The following DENND1A variants were observed in gnomAD, a reference collection of about 807,000 sequenced individuals.
The protein encoded by DENND1A is DENN domain-containing protein 1A.
In DENND1A, 51 loss-of-function variants were observed where a neutral mutation model predicts 113.7. The observed-to-expected ratio is 0.45, with a 90% CI of 0.36 to 0.57. The LOEUF is 0.57. Ranked by LOEUF, DENND1A falls within the 20% of genes least tolerant of loss-of-function variation. The probability of loss-of-function intolerance (pLI) is 0.00; values close to 1 mark genes in which losing one functional copy is unlikely to be tolerated. For synonymous variants in DENND1A, 565 were observed against 570.8 expected (o/e 0.99, Z 0.14); for missense variants, 1,258 against 1,395.9 (o/e 0.90, Z 1.57).
At chr9:123,465,447 A>G (rs1426081584) in intron 13 of DENND1A, among the ~76,000 whole-genome samples, 1 of 151,638 alleles carries the variant, frequency 6.6e-6, no homozygotes, top group Non-Finnish European at 1.5e-5. Flanking sequence ...TTGAACCTTG[A>G]CCCTGACTGT....
chr9:123,768,174 T>C (rs1829138275), intron 4 of DENND1A, among the ~76,000 whole-genome samples: 2 of 152,180 alleles, frequency 1.3e-5, no homozygotes, highest in Non-Finnish European at 2.9e-5. Flanking sequence ...ACTGAAATAT[T>C]CCTGGTACCA....
chr9:123,389,631 AC>A (rs1163319478), intron 21 of DENND1A, among the ~76,000 whole-genome samples: 1 of 152,126 alleles, frequency 6.6e-6, no homozygotes, highest in African/African-American at 2.4e-5. Flanking sequence ...TCCTGCTAAA[AC>A]CTATAAATCT....
chr9:123,796,607 C>T (rs955978392), intron 2 of DENND1A, among the ~76,000 whole-genome samples: 1 of 152,048 alleles, frequency 6.6e-6, no homozygotes, highest in Non-Finnish European at 1.5e-5. Context: ...TTTACACAGG[C>T]TCCAAAAACC....
chr9:123,533,301 T>C (rs1004949611), intron 13 of DENND1A, among the ~76,000 whole-genome samples: 1 of 152,244 alleles, frequency 6.6e-6, no homozygotes, highest in Admixed American at 6.5e-5. Flanking sequence ...GGTGGGCTTC[T>C]TTCTCCCACC....
chr9:123,914,829 G>A (rs7021183), intron 1 of DENND1A, among the ~76,000 whole-genome samples: 5,820 of 152,048 alleles, frequency 0.038, 144 homozygotes, highest in Middle Eastern at 0.048. Flanking sequence ...AGCCATTCAT[G>A]AGGGCCCACC....
chr9:123,907,348 G>A (rs1280916444), intron 1 of DENND1A, among the ~76,000 whole-genome samples: 3 of 151,558 alleles, frequency 2.0e-5, no homozygotes, highest in Non-Finnish European at 4.4e-5. Flanking sequence ...AGTGTTGGAA[G>A]TTCTGGCCAG....
chr9:123,843,158 G>T, intron 2 of DENND1A: 1 of 553,460 alleles, frequency 1.8e-6, no homozygotes, highest in South Asian at 1.4e-5. Context: ...AAACACACTT[G>T]ACATGGTTGT....
intron 12 of DENND1A, among the ~76,000 whole-genome samples, chr9:123,575,097 T>C (rs2058563767): frequency 6.6e-6 from 1 of 152,170 alleles, no homozygotes. Flanking sequence ...CCCACGACCT[T>C]TTTGGCACCA....
intron 13 of DENND1A, among the ~76,000 whole-genome samples, chr9:123,534,691 C>T (rs552980317): frequency 6.6e-6 from 1 of 152,326 alleles, no homozygotes; most frequent in Non-Finnish European, 1.5e-5. Flanking sequence ...CAAAACAAAA[C>T]ACTGTCTTGG....
At position 123,896,310 on chromosome 9, in the gene DENND1A, A is replaced by AAAAC. The variant is rs1357499796; in HGVS notation, c.18-17293_18-17290dup. ...CTAGGCAACAGAGTGAGACTCTCTGAAAACAAACAAACAAACAAACAAAAA... is the reference window on the plus strand; with the variant it reads ...CTAGGCAACAGAGTGAGACTCTCTGAAAACAAACAAACAAACAAACAAACAAAAA... On this transcript the variant is annotated intron_variant, in intron 1 of 23. Coordinates refer to ENST00000394215, the MANE Select transcript of DENND1A (RefSeq NM_001352964.2). Among the ~76,000 whole-genome samples, 24 of 151,894 alleles carry AAAAC rather than the reference A, an allele frequency of 1.6e-4. No individual in the cohort carries two copies. In the East Asian group the frequency reaches 3.7e-3, roughly 23 times the overall value.
intron 1 of DENND1A, among the ~76,000 whole-genome samples, chr9:123,917,057 A>T (rs1855284403): frequency 6.6e-6 from 1 of 151,886 alleles, no homozygotes; most frequent in Non-Finnish European, 1.5e-5. Flanking sequence ...GGTGGCAGTT[A>T]CCCGTAGTCC....
In DENND1A at chr9:123,878,966, C is replaced by T; in HGVS notation, c.73G>A (p.Gly25Ser). ...VYVEVAYPRT[G>S]GTLSDPEVQR... ...TGCAAAGTACCTGAAAGAGTGCCAC[C>T]TGTCCTGGGATAGGCCACTTCAACA... The change falls in exon 2 of 24, where the codon GGT (glycine) becomes AGT (serine). Residue 25 changes from glycine to serine, a missense_variant. By Grantham distance (56) the Gly-to-Ser change is moderately conservative. Around this residue, in one of 2 missense-constraint regions of DENND1A, gnomAD observed 99 missense variants for 164.2 expected, o/e 0.60. Coordinates refer to ENST00000394215, the MANE Select transcript of DENND1A (RefSeq NM_001352964.2). 6.2e-7 allele frequency: 1 copy of T among 1,613,986 alleles called. No individual in the cohort carries two copies. Among genetic ancestry groups the T allele is most frequent in the Non-Finnish European group, 8.5e-7 (1 of 1,179,942 alleles).
chr9:123,909,096 G>A (rs1202747417), intron 1 of DENND1A, among the ~76,000 whole-genome samples: 2 of 151,198 alleles, frequency 1.3e-5, no homozygotes, highest in African/African-American at 4.9e-5. Flanking sequence ...ACTATCGCAA[G>A]AACAAAAAAC....
intron 13 of DENND1A, among the ~76,000 whole-genome samples, chr9:123,508,767 TAAAAG>T (rs1354021490): frequency 6.6e-6 from 1 of 152,134 alleles, no homozygotes; most frequent in East Asian, 1.9e-4. Context: ...AAAAAAAGTA[TAAAAG>T]AATAGAGGGA....
chr9:123,417,555 G>A (rs539224720), intron 19 of DENND1A, among the ~76,000 whole-genome samples: 54 of 152,298 alleles, frequency 3.5e-4, no homozygotes, highest in Middle Eastern at 3.4e-3. Context: ...TTAGCCCATT[G>A]TGCTATCCTT....
intron 10 of DENND1A, among the ~76,000 whole-genome samples, chr9:123,622,399 C>A (rs753700230): frequency 6.6e-6 from 1 of 152,208 alleles, no homozygotes; most frequent in African/African-American, 2.4e-5. Context: ...CATATGGTTT[C>A]TACTGGGACC....
At chr9:123,623,812 G>A (rs2061067462) in intron 10 of DENND1A, among the ~76,000 whole-genome samples, 2 of 152,190 alleles carry the variant, frequency 1.3e-5, no homozygotes, top group African/African-American at 2.4e-5. Context: ...TACAGCTTCT[G>A]GGGTTTCTGG....
At chr9:123,724,461 G>A (rs990191584) in intron 5 of DENND1A, among the ~76,000 whole-genome samples, 2 of 151,878 alleles carry the variant, frequency 1.3e-5, no homozygotes, top group Non-Finnish European at 2.9e-5. Context: ...CTGGAGTGAG[G>A]GGAAGGAGAG....
chr9:123,393,739 G>A (rs948994392), intron 21 of DENND1A, among the ~76,000 whole-genome samples: 1 of 152,206 alleles, frequency 6.6e-6, no homozygotes, highest in African/African-American at 2.4e-5. Flanking sequence ...TGTAAACTCA[G>A]TTGCAGGTGA....
Sources: allele counts gnomAD v4.1 joint callset (sites outside exome capture counted in the v4.1 genomes callset), GRCh38; gene constraint gnomAD v4.1.1; regional missense constraint gnomAD v4.1.1; transcripts MANE v1.5; gene names NCBI Gene and HGNC (gene_info 2026-07-23, HGNC 2026-07-21).